FBXW12: variants seen among roughly 807,000 people sequenced by gnomAD.
The protein encoded by FBXW12 is F-box/WD repeat-containing protein 12.
Under a neutral mutation model 55.3 loss-of-function variants are expected in FBXW12, and 43 were observed. The ratio of observed to expected loss-of-function variants is 0.78; its 90% CI spans 0.61 to 1.00. The LOEUF (loss-of-function observed/expected upper bound fraction) is 1.00, where lower values mean the gene tolerates loss of function less well. Ranked by LOEUF, FBXW12 falls within the 50% of genes least tolerant of loss-of-function variation. FBXW12 has a pLI of 0.00. For missense variants in FBXW12, 524 were observed against 560.5 expected, an observed-to-expected ratio of 0.93 and a Z score of 0.66; for synonymous variants, 184 against 203.8, an observed-to-expected ratio of 0.90 and a Z score of 0.83.
Position 48,381,683 on chromosome 3 carries a change from G to A in FBXW12, c.986-17G>A, listed in dbSNP as rs1246444132. 24 of 1,540,456 alleles carry A rather than the reference G, an allele frequency of 1.6e-5. No homozygotes were observed. Among genetic ancestry groups the A allele is most frequent in the South Asian group, 5.1e-5 (4 of 78,578 alleles). On this transcript the variant is annotated splice_polypyrimidine_tract_variant and intron_variant, in intron 8 of 10. Coordinates refer to ENST00000296438, the MANE Select transcript of FBXW12 (RefSeq NM_207102.2). ...TATGTGTGTGTGTATATATATGTGCGTTTTACATGAAAACAGCATATGAGA... is the reference window on the plus strand; with the variant it reads ...TATGTGTGTGTGTATATATATGTGCATTTTACATGAAAACAGCATATGAGA...
intron 5 of FBXW12, among the ~76,000 whole-genome samples, chr3:48,377,340 C>T (rs941839008): frequency 5.9e-5 from 9 of 152,166 alleles, no homozygotes; most frequent in Non-Finnish European, 8.8e-5. Flanking sequence ...GACAATTCTT[C>T]ACTCATGGGT....
At chr3:48,388,101 T>A (rs1048565825) in intron 10 of FBXW12, among the ~76,000 whole-genome samples, 3 of 152,202 alleles carry the variant, frequency 2.0e-5, no homozygotes, top group Non-Finnish European at 4.4e-5. Context: ...TTTTTGGTCA[T>A]CAATTTCTAA....
In FBXW12 at chr3:48,372,757, G is replaced by A; in HGVS notation, c.-11G>A. 6.2e-7 allele frequency: 1 copy of A among 1,614,210 alleles called. No homozygotes were observed. The highest frequency in any genetic ancestry group is 8.5e-7 in the Non-Finnish European group (1 of 1,180,022). On this transcript the variant is annotated 5_prime_UTR_variant, in exon 2 of 11. Coordinates refer to ENST00000296438, the MANE Select transcript of FBXW12 (RefSeq NM_207102.2). ...AGAAAGGAAAGTGGATGTGGGTTCA[G>A]GCCGCATGAAATGGAGATCCGATTG...
At chr3:48,379,780 C>A (rs761146201) in intron 7 of FBXW12, 2 of 479,628 alleles carry the variant, frequency 4.2e-6, no homozygotes, top group Non-Finnish European at 7.5e-6. Flanking sequence ...TCATGAAGCC[C>A]GAATTTGCCA....
intron 6 of FBXW12, 77 bp downstream of exon 6, chr3:48,378,603 T>C (rs1414551945): frequency 1.9e-6 from 2 of 1,026,376 alleles, no homozygotes. Context: ...GTCACATTAC[T>C]GTCCTATCCC....
At chr3:48,382,393 C>T (rs1430876455) in intron 10 of FBXW12, among the ~76,000 whole-genome samples, 2 of 152,040 alleles carry the variant, frequency 1.3e-5, no homozygotes, top group Non-Finnish European at 2.9e-5. Context: ...GGATTACAGG[C>T]GTGAGCCACC....
At chr3:48,393,782 C>CT (rs33998468) in intron 10 of FBXW12, among the ~76,000 whole-genome samples, 83,050 of 138,222 alleles carry the variant, frequency 0.6, 25,124 homozygotes, top group African/African-American at 0.7. Context: ...TTTTTTCTTT[C>CT]TTTTTTTTTT....
intron 1 of FBXW12, 75 bp downstream of exon 1, chr3:48,372,395 G>T: frequency 1.3e-6 from 2 of 1,500,854 alleles, no homozygotes; most frequent in Non-Finnish European, 1.8e-6. Context: ...GAGACACTCA[G>T]ATCTGATCAA....
intron 10 of FBXW12, among the ~76,000 whole-genome samples, chr3:48,391,317 TACACACACACACAC>T (rs140067012): frequency 4.5e-5 from 6 of 133,074 alleles, no homozygotes; most frequent in Admixed American, 1.6e-4. Flanking sequence ...TATCTATCTA[TACACACACACACAC>T]ACACACACAC....
chr3:48,379,402 T>G lies in FBXW12; in HGVS notation c.618T>G (p.Val206=). ...TGGTGGGGATGCTTTGGTTTCAGGT[T>G]GGCGATGCTGCAGGTGACATCTACA... ...YLTKDGPFLM[V]GDAAGDIYTF... Residue 206 remains valine, a splice_region_variant and synonymous_variant, in exon 7 of 11, where the codon GTT becomes GTG. Transcript: ENST00000296438. The G allele has an allele frequency of 6.2e-7, 1 of 1,614,132 alleles. No individual in the cohort carries two copies. The highest frequency in any genetic ancestry group is 1.3e-5 in the African/African-American group (1 of 75,040).
intron 2 of FBXW12, 98 bp from the exon 3 acceptor site, chr3:48,373,210 T>C (rs2036628768): frequency 6.4e-7 from 1 of 1,573,064 alleles, no homozygotes; most frequent in African/African-American, 1.3e-5. Context: ...CTGATTAACC[T>C]GTGCGGGCCC....
chr3:48,394,573 G>A lies in FBXW12; in HGVS notation c.1309G>A (p.Val437Met), dbSNP rs2036978658. 2.5e-6 allele frequency: 4 copies of A among 1,597,660 alleles called. No homozygotes were observed. The highest frequency in any genetic ancestry group is 3.4e-6 in the Non-Finnish European group (4 of 1,170,040). Residue 437 changes from valine to methionine, a missense_variant, in exon 11 of 11, where the codon GTG becomes ATG. Coordinates refer to ENST00000296438, the MANE Select transcript of FBXW12 (RefSeq NM_207102.2). ...DHTTDSCISS[V>M]MCDNASIVLR... is the part of the protein sequence containing the mutation. ...TTCCATTGACAGCTGCATCTCCAGT[G>A]TGATGTGTGATAATGCAAGCATAGT...
intron 10 of FBXW12, 105 bp downstream of exon 10, chr3:48,382,190 C>T: frequency 7.8e-7 from 1 of 1,275,804 alleles, no homozygotes; most frequent in South Asian, 1.4e-5. Flanking sequence ...GATCTCAACT[C>T]ACTGCAACCT....
intron 8 of FBXW12, 38 bp downstream of exon 8, chr3:48,380,950 C>T (rs772013407): frequency 2.6e-5 from 39 of 1,526,108 alleles, no homozygotes; most frequent in Non-Finnish European, 3.5e-5. Flanking sequence ...GTTTCTCTTC[C>T]TCATCACACA....
chr3:48,383,079 T>G (rs757109426), intron 10 of FBXW12, among the ~76,000 whole-genome samples: 17 of 152,366 alleles, frequency 1.1e-4, no homozygotes, highest in Non-Finnish European at 2.2e-4. Context: ...ATTAACTTTT[T>G]TACAAGAATA....
chr3:48,390,406 CTTTTTTTTT>C (rs71625870), intron 10 of FBXW12, among the ~76,000 whole-genome samples: 4 of 57,928 alleles, frequency 6.9e-5, no homozygotes, highest in Non-Finnish European at 9.0e-5. Flanking sequence ...AGGATTTCCT[CTTTTTTTTT>C]TTTTTTTTTT....
intron 10 of FBXW12, among the ~76,000 whole-genome samples, chr3:48,393,100 ATTC>A (rs2036954998): frequency 6.6e-6 from 1 of 151,188 alleles, no homozygotes; most frequent in Admixed American, 6.6e-5. Flanking sequence ...GTTTCAAGCA[ATTC>A]TTCTGCCTCA....
rs1242425866 is a variant in FBXW12, at chr3:48,391,394, CAAAT to C, written c.1296-3164_1296-3161del. Among the ~76,000 whole-genome samples the C allele has an allele frequency of 2.6e-5, 4 of 151,662 alleles. No individual in the cohort carries two copies. In the East Asian group the frequency reaches 7.7e-4, roughly 29 times the overall value. On this transcript the variant is annotated intron_variant, in intron 10 of 10. Coordinates refer to ENST00000296438, the MANE Select transcript of FBXW12 (RefSeq NM_207102.2). ...ATCAATCATATTGTCATATTGTCCA[CAAAT>C]AGATAGTTTTACTTCTTTTCCTATT... is the stretch of plus-strand genomic sequence containing the variant.
intron 10 of FBXW12, among the ~76,000 whole-genome samples, chr3:48,388,278 A>G (rs1424325906): frequency 6.6e-6 from 1 of 152,216 alleles, no homozygotes; most frequent in Admixed American, 6.5e-5. Context: ...TTTATAAGTA[A>G]CAATTAGATC....
Sources: gnomAD v4.1 joint callset for allele counts (sites outside exome capture counted in the v4.1 genomes callset) on GRCh38, gnomAD v4.1.1 for gene constraint, MANE v1.5 for transcripts, NCBI Gene and HGNC (gene_info 2026-07-23, HGNC 2026-07-21) for gene names.